The following DOCK3 variants were observed in gnomAD, a reference collection of about 807,000 sequenced individuals.
The protein encoded by DOCK3 is dedicator of cytokinesis protein 3.
Under a neutral mutation model 265.6 loss-of-function variants are expected in DOCK3, and 60 were observed. The observed-to-expected ratio is 0.23, with a 90% CI of 0.18 to 0.28. DOCK3 has a LOEUF of 0.28. Ranked by LOEUF, DOCK3 falls within the 10% of genes least tolerant of loss-of-function variation. The pLI is 1.00. For synonymous variants in DOCK3, 881 were observed against 938.0 expected, an observed-to-expected ratio of 0.94 and a Z score of 1.11; for missense variants, 1,981 against 2,594.3, an observed-to-expected ratio of 0.76 and a Z score of 5.14.
intron 13 of DOCK3, among the ~76,000 whole-genome samples, chr3:51,213,490 A>C (rs1187231572): frequency 6.6e-6 from 1 of 152,206 alleles, no homozygotes; most frequent in African/African-American, 2.4e-5. Context: ...GGGATATTAC[A>C]AATACTCCCA....
chr3:51,286,481 T>G (rs566218756), intron 27 of DOCK3, among the ~76,000 whole-genome samples: 6 of 152,106 alleles, frequency 3.9e-5, no homozygotes, highest in Non-Finnish European at 7.3e-5. Flanking sequence ...TAAATTGATA[T>G]GGAATTAAAA....
At chr3:50,948,602 TCTTTTCTTTTCTTTTC>T (rs1272976821) in intron 5 of DOCK3, among the ~76,000 whole-genome samples, 9 of 151,862 alleles carry the variant, frequency 5.9e-5, no homozygotes, top group East Asian at 1.9e-4. Context: ...CTCTTCTTTC[TCTTTTCTTTTCTTTTC>T]CTTTTCTTTT....
intron 22 of DOCK3, among the ~76,000 whole-genome samples, chr3:51,254,382 T>A (rs1263343556): frequency 6.6e-6 from 1 of 152,220 alleles, no homozygotes; most frequent in Non-Finnish European, 1.5e-5. Context: ...GTCTATTAGG[T>A]CCACTTGGTG....
intron 1 of DOCK3, among the ~76,000 whole-genome samples, chr3:50,743,345 A>G (rs900519375): frequency 4.6e-5 from 7 of 152,126 alleles, no homozygotes; most frequent in African/African-American, 1.7e-4. Context: ...ACATAACAAT[A>G]TTAACTTTAA....
At chr3:51,253,303 G>A (rs370518848) in intron 22 of DOCK3, among the ~76,000 whole-genome samples, 21 of 152,286 alleles carry the variant, frequency 1.4e-4, no homozygotes, top group African/African-American at 3.6e-4. Context: ...ATGTTCATCA[G>A]GGATATTGGT....
chr3:51,187,814 T>C (rs986587937), intron 12 of DOCK3, among the ~76,000 whole-genome samples: 4 of 150,374 alleles, frequency 2.7e-5, no homozygotes, highest in Non-Finnish European at 4.4e-5. Flanking sequence ...CCTTCTTGCC[T>C]TCCACCGTGA....
intron 27 of DOCK3, among the ~76,000 whole-genome samples, chr3:51,296,992 C>T (rs1207740475): frequency 6.6e-6 from 1 of 151,562 alleles, no homozygotes; most frequent in Admixed American, 6.6e-5. Context: ...GTGGCGGGCA[C>T]TTGTAATCCC....
chr3:50,936,452 C>T (rs1295338195), intron 5 of DOCK3, among the ~76,000 whole-genome samples: 2 of 151,240 alleles, frequency 1.3e-5, no homozygotes, highest in African/African-American at 2.4e-5. Context: ...GTTTTACATT[C>T]GGGAAGCTTA....
intron 3 of DOCK3, among the ~76,000 whole-genome samples, chr3:50,886,680 G>A (rs536043851): frequency 6.6e-6 from 1 of 150,692 alleles, no homozygotes; most frequent in South Asian, 2.1e-4. Flanking sequence ...TTTTGTCCTT[G>A]CGATAGTTTA....
chr3:50,844,661 C>A (rs2045995729), intron 3 of DOCK3, among the ~76,000 whole-genome samples: 2 of 152,088 alleles, frequency 1.3e-5, no homozygotes, highest in South Asian at 4.2e-4. Context: ...TTATAAAATA[C>A]CCTTTCTGTT....
At chr3:50,862,337 T>C (rs138214923) in intron 3 of DOCK3, among the ~76,000 whole-genome samples, 397 of 152,342 alleles carry the variant, frequency 2.6e-3, no homozygotes, top group African/African-American at 3.9e-3. Context: ...AGGAAACTTA[T>C]CTAGCACCAA....
At position 51,278,051 on chromosome 3, in the gene DOCK3, T is replaced by C. The variant is rs2080909255; in HGVS notation, c.2823+297T>C. ...TATTGTAGAATGAAGCTGGGATGTA[T>C]GTAAGATGTAGTAAGAGGTTGAAGG... On this transcript the variant is annotated intron_variant, in intron 26 of 52. Coordinates refer to ENST00000266037, the MANE Select transcript of DOCK3 (RefSeq NM_004947.5). 3 of 985,294 alleles carry C rather than the reference T, an allele frequency of 3.0e-6. No individual in the cohort carries two copies. The South Asian group carries it at 1.4e-4, about 46-fold the overall frequency. 61.0% of individuals were successfully genotyped at this position (985,294 alleles called of 1,614,324 possible).
chr3:51,013,971 C>A (rs1301383534), intron 5 of DOCK3, among the ~76,000 whole-genome samples: 1 of 152,220 alleles, frequency 6.6e-6, no homozygotes, highest in African/African-American at 2.4e-5. Context: ...CCCACTGAGC[C>A]ATGCGCAGGA....
At chr3:50,936,954 A>G (rs1470675825) in intron 5 of DOCK3, among the ~76,000 whole-genome samples, 1 of 152,218 alleles carries the variant, frequency 6.6e-6, no homozygotes, top group Non-Finnish European at 1.5e-5. Flanking sequence ...ATGTTGATAC[A>G]GTTCTCAGTG....
In DOCK3 at chr3:51,270,868, C is replaced by T. The variant is rs1371707687; in HGVS notation, c.2409C>T (p.Phe803=). 8.1e-6 allele frequency: 13 copies of T among 1,613,990 alleles called. No individual in the cohort carries two copies. Among genetic ancestry groups the T allele is most frequent in the South Asian group, 1.1e-5 (1 of 91,074 alleles). The stretch of plus-strand genomic sequence containing the variant: ...TCTTTGATGAGCTTCTGCAAATGTT[C>T]ACCGTGCAAGAGGTGGCAGAGTTTG... ...PTIFDELLQM[F]TVQEVAEFVR... The change falls in exon 24 of 53, where the codon TTC becomes TTT. Residue 803 remains phenylalanine (F), a synonymous_variant. Coordinates refer to ENST00000266037, the MANE Select transcript of DOCK3 (RefSeq NM_004947.5).
At chr3:51,036,199 CAG>C (rs1415659972) in intron 5 of DOCK3, among the ~76,000 whole-genome samples, 1 of 152,070 alleles carries the variant, frequency 6.6e-6, no homozygotes, top group Non-Finnish European at 1.5e-5. Context: ...GTATTTTGCC[CAG>C]AGTTTATAGC....
intron 4 of DOCK3, among the ~76,000 whole-genome samples, chr3:50,901,217 C>T (rs554283969): frequency 3.9e-5 from 6 of 152,272 alleles, no homozygotes; most frequent in Admixed American, 3.9e-4. Flanking sequence ...AGTGGCTTTG[C>T]TGAACTACAG....
chr3:51,009,511 C>G (rs1019999660), intron 5 of DOCK3, among the ~76,000 whole-genome samples: 1 of 151,948 alleles, frequency 6.6e-6, no homozygotes, highest in Non-Finnish European at 1.5e-5. Context: ...TCTCTCTTTT[C>G]TTCTTTATTA....
rs1022141626 is a variant in DOCK3 at position 51,146,573 on chromosome 3, C to G, written c.771C>G (p.Asn257Lys). The G allele has an allele frequency of 1.3e-6, 2 of 1,598,186 alleles. No homozygotes were observed. The highest frequency in any genetic ancestry group is 1.3e-5 in the African/African-American group (1 of 74,742). Residue 257 changes from asparagine (N) to lysine (K), a missense_variant, in exon 10 of 53, where the codon AAC becomes AAG. Around this residue, in one of 4 missense-constraint regions of DOCK3, gnomAD observed 456 missense variants for 539.0 expected, o/e 0.85. Transcript: ENST00000266037. ...GTGAGCGGTTTCTGGTAAGACTGAA[C>G]AAGAATGGTGGGCCGAGGAACCCAG... The part of the protein sequence containing the change: ...QISERFLVRL[N>K]KNGGPRNPEK...
Sources: allele counts gnomAD v4.1 joint callset (sites outside exome capture counted in the v4.1 genomes callset), GRCh38; gene constraint gnomAD v4.1.1; regional missense constraint gnomAD v4.1.1; transcripts MANE v1.5; gene names NCBI Gene and HGNC (gene_info 2026-07-23, HGNC 2026-07-21).